GPSM1: variants seen among roughly 807,000 people sequenced by gnomAD.
The protein encoded by GPSM1 is G protein-signaling modulator 1.
GPSM1 carries 48 observed loss-of-function variants against 70.5 expected under a neutral mutation model. The observed-to-expected ratio is 0.68, with a 90% CI of 0.54 to 0.87. GPSM1 has a LOEUF of 0.87. GPSM1 is among the 40% of genes least tolerant of loss of function. The probability of loss-of-function intolerance (pLI) is 0.00; values close to 1 mark genes in which losing one functional copy is unlikely to be tolerated. For synonymous variants in GPSM1, 416 were observed against 430.1 expected (o/e 0.97, Z 0.41); for missense variants, 981 against 972.6 (o/e 1.01, Z -0.11).
chr9:136,339,182 G>A (rs1437547436), intron 7 of GPSM1, among the ~76,000 whole-genome samples: 1 of 152,256 alleles, frequency 6.6e-6, no homozygotes, highest in East Asian at 1.9e-4. Flanking sequence ...GTGGCGTGGT[G>A]AGGAGAATGT....
intron 2 of GPSM1, 109 bp downstream of exon 2, chr9:136,334,777 G>A (rs1292652250): frequency 4.3e-5 from 37 of 868,882 alleles, no homozygotes; most frequent in Middle Eastern, 3.5e-4. Flanking sequence ...GGCGCGGTGA[G>A]TGGGGACAGC....
In GPSM1 at chr9:136,342,607, T is replaced by C. The variant is rs530120520; in HGVS notation, c.1207+1614T>C. Among the ~76,000 whole-genome samples the C allele has an allele frequency of 2.7e-3, 407 of 152,184 alleles. No individual in the cohort carries two copies. Among genetic ancestry groups the C allele is most frequent in the African/African-American group, 9.3e-3 (388 of 41,542 alleles). ...TGCACACCTAGAGCCTGGGCGGCCC[T>C]GGGTGAGACCCCGGCTCAGCTGAGC... On this transcript the variant is annotated intron_variant, in intron 9 of 13. Coordinates refer to ENST00000440944, the MANE Select transcript of GPSM1 (RefSeq NM_001145638.3). The surrounding 1 kb of genome is among the most constrained non-coding windows in gnomAD (Gnocchi z 5.5).
chr9:136,349,520 C>A, intron 10 of GPSM1, 67 bp from the exon 11 acceptor site: 1 of 1,410,824 alleles, frequency 7.1e-7, no homozygotes, highest in Non-Finnish European at 9.6e-7. Flanking sequence ...GCCTTCCCTT[C>A]AGGGTCCTGG....
Position 136,356,240 on chromosome 9 carries a change from G to A in GPSM1, c.1613-102G>A. 3.4e-6 allele frequency: 3 copies of A among 893,588 alleles called. No homozygotes were observed. In the South Asian group the frequency reaches 5.4e-5, roughly 16 times the overall value. 55.4% of individuals were successfully genotyped at this position (893,588 alleles called of 1,614,324 possible). ...GAGCCATGGCCCCAGCAGCACAGTGGGCTGGGCTGGGCTCAGAGGTCAGAG... is the reference window on the plus strand; with the variant it reads ...GAGCCATGGCCCCAGCAGCACAGTGAGCTGGGCTGGGCTCAGAGGTCAGAG... On this transcript the variant is annotated intron_variant, in intron 12 of 13. Coordinates refer to ENST00000440944, the MANE Select transcript of GPSM1 (RefSeq NM_001145638.3).
At chr9:136,354,073 C>T (rs1424458407) in intron 11 of GPSM1, among the ~76,000 whole-genome samples, 2 of 152,148 alleles carry the variant, frequency 1.3e-5, no homozygotes, top group African/African-American at 2.4e-5. Flanking sequence ...GGTGCTAGAA[C>T]TCTCCCTCCT....
chr9:136,349,911 G>A (rs1832617891), intron 11 of GPSM1, 148 bp downstream of exon 11: 1 of 730,938 alleles, frequency 1.4e-6, no homozygotes, highest in Non-Finnish European at 2.2e-6. Flanking sequence ...GTGCAGTGCT[G>A]TCCTGGGACC....
In GPSM1 at chr9:136,336,037, G is replaced by A. The variant is rs375187707; in HGVS notation, c.362G>A (p.Arg121His). The change falls in exon 3 of 14, where the codon CGC (arginine) becomes CAC (histidine). Residue 121 changes from arginine (R) to histidine (H), a missense_variant. By Grantham distance (29) the Arg-to-His change is conservative (BLOSUM62 0). Coordinates refer to ENST00000440944, the MANE Select transcript of GPSM1 (RefSeq NM_001145638.3). ...GGAAACACACTCAAGGTCCTGGGGC[G>A]CTTCGACGAGGCTGCCGTCTGCTGC... is the stretch of plus-strand genomic sequence containing the variant. Reference protein sequence around the residue: ...NLGNTLKVLGRFDEAAVCCQR... With the variant: ...NLGNTLKVLGHFDEAAVCCQR... 76 of 1,612,340 alleles carry A rather than the reference G, an allele frequency of 4.7e-5. No homozygotes were observed. Among genetic ancestry groups the A allele is most frequent in the Non-Finnish European group, 5.9e-5 (70 of 1,179,846 alleles).
At chr9:136,351,738 C>T (rs371907733) in intron 11 of GPSM1, among the ~76,000 whole-genome samples, 1 of 152,234 alleles carries the variant, frequency 6.6e-6, no homozygotes, top group African/African-American at 2.4e-5. Flanking sequence ...CGGGGCAGGA[C>T]GCCTGGGACA....
At chr9:136,334,764 G>C in intron 2 of GPSM1, 96 bp downstream of exon 2, 1 of 1,007,564 alleles carries the variant, frequency 9.9e-7, no homozygotes, top group Admixed American at 2.1e-5. Context: ...GGGCGGCCCT[G>C]CTGGCGCGGT....
chr9:136,335,497 C>T (rs1832210799), intron 2 of GPSM1, among the ~76,000 whole-genome samples: 1 of 152,186 alleles, frequency 6.6e-6, no homozygotes, highest in South Asian at 2.1e-4. Flanking sequence ...CTTGGAGCAA[C>T]CCTCCCGCAC....
intron 11 of GPSM1, among the ~76,000 whole-genome samples, chr9:136,352,251 C>CCA (rs1554772270): frequency 1.2e-5 from 1 of 81,200 alleles, no homozygotes; most frequent in African/African-American, 5.0e-5. Flanking sequence ...CTGTTGGTGA[C>CCA]ACCGATGCTG....
rs2131420577 is a variant in GPSM1 at position 136,358,128 on chromosome 9, G to A, written c.1936G>A (p.Asp646Asn). Residue 646 changes from aspartate to asparagine, a missense_variant, in exon 14 of 14, where the codon GAC becomes AAC. Asp to Asn is a conservative substitution (Grantham distance 23, BLOSUM62 1). Coordinates refer to ENST00000440944, the MANE Select transcript of GPSM1 (RefSeq NM_001145638.3). ...TCAGAGGGTGCAGGCTAAGCGCATG[G>A]ACGAGCAGCGGGTGGACCTCGCCGG... ...LIQRVQAKRMDEQRVDLAGGP... is the reference protein window; with the variant it reads ...LIQRVQAKRMNEQRVDLAGGP... 6.2e-7 allele frequency: 1 copy of A among 1,611,102 alleles called. No homozygotes were observed. The highest frequency in any genetic ancestry group is 8.5e-7 in the Non-Finnish European group (1 of 1,179,056).
rs781890571 is a variant in GPSM1 at position 136,334,708 on chromosome 9, C to T, written c.290+40C>T. 2.6e-6 allele frequency: 4 copies of T among 1,525,532 alleles called. No individual in the cohort carries two copies. In the South Asian group the frequency reaches 4.5e-5, roughly 17 times the overall value. The allele number at this position is 1,525,532 out of a possible 1,614,324, so 94.5% of individuals were successfully genotyped here. A position where few individuals can be genotyped will look rare whatever the true frequency, so the allele number is the denominator to read the frequency against. The stretch of plus-strand genomic sequence containing the variant: ...TCCTGCTGGCGGGTGAGTGGGGCGG[C>T]CCTGCTGGCGCGGTGAGTGGGGACG... On this transcript the variant is annotated intron_variant, in intron 2 of 13. Coordinates refer to ENST00000440944, the MANE Select transcript of GPSM1 (RefSeq NM_001145638.3).
chr9:136,356,598 C>G, intron 13 of GPSM1, 48 bp downstream of exon 13: 1 of 1,437,712 alleles, frequency 7.0e-7, no homozygotes, highest in South Asian at 1.2e-5. Context: ...CTTTGCCATC[C>G]ACGTGTGTGG....
Position 136,358,769 on chromosome 9 carries a change from C to G in GPSM1, c.*549C>G. On this transcript the variant is annotated 3_prime_UTR_variant, in exon 14 of 14. Transcript: ENST00000440944. ...CAGAGGTCAGCAACCACAGAAGGCC[C>G]CCCAGACCACGCATGGCAGACCAGG... The G allele has an allele frequency of 5.8e-6, 1 of 172,828 alleles. No individual in the cohort carries two copies. The highest frequency in any genetic ancestry group is 1.2e-5 in the Non-Finnish European group (1 of 82,776). 10.7% of individuals were successfully genotyped at this position (172,828 alleles called of 1,614,324 possible).
intron 2 of GPSM1, among the ~76,000 whole-genome samples, chr9:136,335,700 C>T (rs1047398365): frequency 2.0e-5 from 3 of 152,216 alleles, no homozygotes; most frequent in Admixed American, 6.5e-5. Context: ...TGTGTAGCTC[C>T]TGGCACCTGT....
Position 136,335,859 on chromosome 9 carries a change from A to T in GPSM1, c.291-107A>T, listed in dbSNP as rs992951229. The T allele has an allele frequency of 1.1e-5, 13 of 1,169,404 alleles. No individual in the cohort carries two copies. The African/African-American group carries it at 1.7e-4, about 15-fold the overall frequency. 72.4% of individuals were successfully genotyped at this position (1,169,404 alleles called of 1,614,324 possible). ...GGGGTTGCAGGCTCCTGTCCACTCC[A>T]TGCTGGTCCCTGAGGCCCAGCTACC... is the stretch of plus-strand genomic sequence containing the variant. On this transcript the variant is annotated intron_variant, in intron 2 of 13. Coordinates refer to ENST00000440944, the MANE Select transcript of GPSM1 (RefSeq NM_001145638.3).
At chr9:136,346,980 C>T (rs781990528) in intron 9 of GPSM1, among the ~76,000 whole-genome samples, 7 of 152,210 alleles carry the variant, frequency 4.6e-5, no homozygotes, top group African/African-American at 1.4e-4. Context: ...CCTGCCTGGC[C>T]ATTCATGCTG....
At chr9:136,354,692 C>T (rs1316882751) in intron 11 of GPSM1, 1 of 417,448 alleles carries the variant, frequency 2.4e-6, no homozygotes, top group African/African-American at 2.2e-5. Context: ...AGCTGGGCCC[C>T]TTGGGGGGCC....
Sources: allele counts gnomAD v4.1 joint callset (sites outside exome capture counted in the v4.1 genomes callset), GRCh38; gene constraint gnomAD v4.1.1; non-coding constraint Gnocchi (gnomAD v3.1); transcripts MANE v1.5; gene names NCBI Gene and HGNC (gene_info 2026-07-23, HGNC 2026-07-21).